NTM: variants seen among roughly 807,000 people sequenced by gnomAD.
The protein encoded by NTM is neurotrimin.
In NTM, 13 loss-of-function variants were observed where a neutral mutation model predicts 42.1. The ratio of observed to expected loss-of-function variants is 0.31; its 90% CI spans 0.20 to 0.49. The LOEUF (loss-of-function observed/expected upper bound fraction) is 0.49. Among genes scored for constraint, NTM ranks in the 20% least tolerant of loss-of-function variants. The pLI, the probability that NTM is intolerant of heterozygous loss-of-function variation, is 0.99. For missense variants in NTM, 373 were observed against 452.8 expected, an observed-to-expected ratio of 0.82 and a Z score of 1.60; for synonymous variants, 187 against 179.2, an observed-to-expected ratio of 1.04 and a Z score of -0.35.
chr11:131,372,826 CATA>C (rs1193680956), intron 1 of NTM, among the ~76,000 whole-genome samples: 3 of 151,836 alleles, frequency 2.0e-5, no homozygotes, highest in Non-Finnish European at 2.9e-5. Context: ...TGCAGGGAAG[CATA>C]ATATTTGCTC....
chr11:131,654,500 T>C (rs1475868881), intron 1 of NTM, among the ~76,000 whole-genome samples: 1 of 152,152 alleles, frequency 6.6e-6, no homozygotes, highest in Non-Finnish European at 1.5e-5. Context: ...GTCCGGTCTC[T>C]GCCAATAGCA....
rs545462252 is a variant in NTM, at chr11:132,298,740, C to T, written c.527-8949C>T. Among the ~76,000 whole-genome samples the T allele has an allele frequency of 4.6e-5, 7 of 152,292 alleles. 1 individual carries two copies. The highest frequency in any genetic ancestry group is 3.9e-4 in the East Asian group (2 of 5,184). ...AAAAAATTAAGGGAATTTGTTTCTA[C>T]GTATCTATAAAATGTTATAGTTGAT... On this transcript the variant is annotated intron_variant, in intron 4 of 8. Coordinates refer to ENST00000683400, the MANE Select transcript of NTM (RefSeq NM_001352005.2).
At chr11:131,391,056 A>T (rs941438965) in intron 1 of NTM, among the ~76,000 whole-genome samples, 18 of 152,172 alleles carry the variant, frequency 1.2e-4, no homozygotes, top group African/African-American at 4.1e-4. Flanking sequence ...GCTGCGGGGA[A>T]AGGCACACTT....
intron 1 of NTM, among the ~76,000 whole-genome samples, chr11:131,705,335 A>G (rs2076487988): frequency 6.6e-6 from 1 of 152,170 alleles, no homozygotes; most frequent in African/African-American, 2.4e-5. Context: ...TCAAAGTGCT[A>G]AAAGGAAAAA....
At chr11:131,888,361 C>A (rs2050722657) in intron 1 of NTM, among the ~76,000 whole-genome samples, 1 of 152,102 alleles carries the variant, frequency 6.6e-6, no homozygotes, top group African/African-American at 2.4e-5. Flanking sequence ...TTGGAGAGGG[C>A]ATTTCACACT....
intron 4 of NTM, among the ~76,000 whole-genome samples, chr11:132,265,160 G>A (rs968631134): frequency 6.6e-6 from 1 of 152,238 alleles, no homozygotes; most frequent in East Asian, 1.9e-4. Context: ...AAATACTGTG[G>A]CATTAGAATC....
At chr11:132,152,639 A>G (rs1477240764) in intron 3 of NTM, among the ~76,000 whole-genome samples, 1 of 152,230 alleles carries the variant, frequency 6.6e-6, no homozygotes, top group Non-Finnish European at 1.5e-5. Context: ...TACACTATCT[A>G]GACAGCATGC....
At chr11:132,172,739 A>C (rs2076283157) in intron 3 of NTM, among the ~76,000 whole-genome samples, 2 of 152,148 alleles carry the variant, frequency 1.3e-5, no homozygotes, top group South Asian at 4.1e-4. Context: ...TCTTCAGGCT[A>C]TTTCTGTCTC....
chr11:131,786,432 A>T (rs1438514638), intron 1 of NTM, among the ~76,000 whole-genome samples: 1 of 152,228 alleles, frequency 6.6e-6, no homozygotes, highest in African/African-American at 2.4e-5. Flanking sequence ...TAATGCAGAG[A>T]TGCTCAAGTT....
rs982977172 is a variant in NTM, at chr11:132,194,993, T to C, written c.401-17029T>C. On this transcript the variant is annotated intron_variant, in intron 3 of 8. Transcript: ENST00000683400. The stretch of plus-strand genomic sequence containing the variant: ...CTGTGCCACCACGCCTGGCTAGTTT[T>C]TGTTCTTTTAGTAGAGATGGGGTTT... Among the ~76,000 whole-genome samples the C allele has an allele frequency of 3.9e-5, 6 of 152,064 alleles. No individual in the cohort carries two copies. In the South Asian group the frequency reaches 1.2e-3, roughly 32 times the overall value.
At chr11:131,462,429 A>G (rs1481048029) in intron 1 of NTM, among the ~76,000 whole-genome samples, 1 of 152,238 alleles carries the variant, frequency 6.6e-6, no homozygotes, top group African/African-American at 2.4e-5. Flanking sequence ...CAGTGACCCA[A>G]CATTTAAAAA....
At chr11:132,034,186 C>T (rs2076241829) in intron 2 of NTM, among the ~76,000 whole-genome samples, 1 of 152,152 alleles carries the variant, frequency 6.6e-6, no homozygotes, top group Non-Finnish European at 1.5e-5. Context: ...CTTGCAAATG[C>T]TTCAAGGTCT....
intron 2 of NTM, among the ~76,000 whole-genome samples, chr11:132,054,612 A>G (rs2079334246): frequency 6.6e-6 from 1 of 152,246 alleles, no homozygotes; most frequent in Non-Finnish European, 1.5e-5. Context: ...TCTTGACTAT[A>G]CTGGTAGCTG....
chr11:131,703,005 T>C (rs1256363309), intron 1 of NTM, among the ~76,000 whole-genome samples: 1 of 152,184 alleles, frequency 6.6e-6, no homozygotes, highest in Non-Finnish European at 1.5e-5. Context: ...ATAGTCATAA[T>C]TGTTGTAGCA....
At chr11:132,060,399 G>A (rs566472467) in intron 2 of NTM, among the ~76,000 whole-genome samples, 147 of 152,290 alleles carry the variant, frequency 9.7e-4, no homozygotes, top group African/African-American at 3.2e-3. Flanking sequence ...CTAGAGTAAA[G>A]TCTTCCTAAA....
chr11:131,510,130 C>T (rs1260959454), intron 1 of NTM, among the ~76,000 whole-genome samples: 1 of 152,170 alleles, frequency 6.6e-6, no homozygotes, highest in Non-Finnish European at 1.5e-5. Flanking sequence ...TTGAAATTTA[C>T]ATGCGGGATG....
intron 2 of NTM, among the ~76,000 whole-genome samples, chr11:132,100,801 G>T (rs1012721489): frequency 6.6e-6 from 1 of 152,154 alleles, no homozygotes; most frequent in African/African-American, 2.4e-5. Context: ...TGTGAGGTGG[G>T]CTATCAGCTG....
chr11:131,530,215 A>G (rs767249198), intron 1 of NTM, among the ~76,000 whole-genome samples: 5 of 152,206 alleles, frequency 3.3e-5, no homozygotes, highest in Non-Finnish European at 5.9e-5. Context: ...GGTGCTTAGT[A>G]GGTATTTAAT....
intron 2 of NTM, among the ~76,000 whole-genome samples, chr11:131,917,600 C>T (rs1312914078): frequency 6.6e-6 from 1 of 152,224 alleles, no homozygotes; most frequent in Admixed American, 6.5e-5. Flanking sequence ...CAGAAAAGCA[C>T]TCTGCTCATC....
Sources: gnomAD v4.1 joint callset for allele counts (sites outside exome capture counted in the v4.1 genomes callset) on GRCh38, gnomAD v4.1.1 for gene constraint, MANE v1.5 for transcripts, NCBI Gene and HGNC (gene_info 2026-07-23, HGNC 2026-07-21) for gene names.